FUBP1: variants seen among roughly 807,000 people sequenced by gnomAD.
FUBP1 encodes far upstream element-binding protein 1.
A neutral mutation model predicts 94.9 loss-of-function variants in FUBP1; 16 were observed. That is an observed-to-expected ratio of 0.17 (90% CI 0.11 to 0.26). The LOEUF is 0.26. Among genes scored for constraint, FUBP1 ranks in the 10% least tolerant of loss-of-function variants. The probability of loss-of-function intolerance (pLI) is 1.00; values close to 1 mark genes in which losing one functional copy is unlikely to be tolerated. For synonymous variants in FUBP1, 279 were observed against 254.9 expected (o/e 1.09, Z -0.90); for missense variants, 583 against 808.6 (o/e 0.72, Z 3.38).
rs1202900853 is a variant in FUBP1 at position 77,979,053 on chromosome 1, C to T, written c.-49G>A. ...CGCCTGTTCAGAGACTTCCTCTCAGCTAACAGCTAAGAAAGAAAGAAAATG... is the reference window on the plus strand; with the variant it reads ...CGCCTGTTCAGAGACTTCCTCTCAGTTAACAGCTAAGAAAGAAAGAAAATG... On this transcript the variant is annotated 5_prime_UTR_variant, in exon 1 of 20. Transcript: ENST00000370768. 6.5e-7 allele frequency: 1 copy of T among 1,532,752 alleles called. No homozygotes were observed. The highest frequency in any genetic ancestry group is 8.8e-7 in the Non-Finnish European group (1 of 1,133,688). 94.9% of individuals were successfully genotyped at this position (1,532,752 alleles called of 1,614,324 possible). A position where few individuals can be genotyped will look rare whatever the true frequency, so the allele number is the denominator to read the frequency against.
In FUBP1 at chr1:77,967,528, TAC is replaced by T. The variant is rs922254583; in HGVS notation, c.290+97_290+98del. On this transcript the variant is annotated intron_variant, in intron 4 of 19. Transcript: ENST00000370768. Reference sequence around the variant, plus strand: ...GATATGAACTAGGTACACCAAAAAATACACAGACACATATTCAATATACACCA... The same window carrying T: ...GATATGAACTAGGTACACCAAAAAATACAGACACATATTCAATATACACCA... The T allele has an allele frequency of 3.3e-5, 29 of 867,784 alleles. No homozygotes were observed. The Admixed American group carries it at 5.1e-4, about 15-fold the overall frequency. 53.8% of individuals were successfully genotyped at this position (867,784 alleles called of 1,614,324 possible).
At chr1:77,975,258 T>C (rs907752606) in intron 1 of FUBP1, among the ~76,000 whole-genome samples, 5 of 152,188 alleles carry the variant, frequency 3.3e-5, no homozygotes, top group Admixed American at 1.3e-4. Context: ...CTGATGGAGT[T>C]AGTAGTTCCC....
chr1:77,961,655 G>A (rs534770448), intron 14 of FUBP1, among the ~76,000 whole-genome samples: 4 of 152,160 alleles, frequency 2.6e-5, no homozygotes, highest in South Asian at 2.1e-4. Context: ...GAGGCAACCC[G>A]ACTACAGAGT....
chr1:77,958,180 TG>T (rs1378588569), intron 16 of FUBP1, among the ~76,000 whole-genome samples: 5 of 152,214 alleles, frequency 3.3e-5, no homozygotes, highest in Non-Finnish European at 7.3e-5. Flanking sequence ...CTTTAGGAAG[TG>T]GTATTTCTAC....
intron 2 of FUBP1, among the ~76,000 whole-genome samples, chr1:77,969,626 A>G (rs1339073338): frequency 6.6e-6 from 1 of 152,122 alleles, no homozygotes; most frequent in Non-Finnish European, 1.5e-5. Flanking sequence ...ATGTTTTTTA[A>G]TATTATTAAC....
intron 18 of FUBP1, among the ~76,000 whole-genome samples, chr1:77,952,455 A>G (rs1653658194): frequency 6.6e-6 from 1 of 152,072 alleles, no homozygotes; most frequent in Non-Finnish European, 1.5e-5. Flanking sequence ...AAAAACTTAA[A>G]TTAGGCTCCA....
Position 77,945,696 on chromosome 1 carries a change from T to A in FUBP1, c.*3070A>T, listed in dbSNP as rs947778191. 4.7e-6 allele frequency: 1 copy of A among 212,078 alleles called. No homozygotes were observed. Among genetic ancestry groups the A allele is most frequent in the Admixed American group, 5.9e-5 (1 of 17,044 alleles). The allele number at this position is 212,078 out of a possible 1,614,324, so 13.1% of individuals were successfully genotyped here. A position where few individuals can be genotyped will look rare whatever the true frequency, so the allele number is the denominator to read the frequency against. The stretch of plus-strand genomic sequence containing the variant: ...TGAATATTTTTCTTTGTTGCAGAGA[T>A]AAGCAGGAGTTTTAAAAGGATCAGC... On this transcript the variant is annotated 3_prime_UTR_variant, in exon 20 of 20. Transcript: ENST00000370768.
intron 1 of FUBP1, among the ~76,000 whole-genome samples, chr1:77,977,748 G>A (rs1245400776): frequency 3.9e-5 from 6 of 152,186 alleles, no homozygotes; most frequent in Non-Finnish European, 8.8e-5. Context: ...AAAAACCGCA[G>A]AACTAATATT....
chr1:77,969,808 A>G lies in FUBP1; in HGVS notation c.211+117T>C, dbSNP rs140695371. Reference sequence around the variant, plus strand: ...CCTTTTAGGCCAATATACAGCTTACAATTTTAACAACCTTATAATAAAAGT... The same window carrying G: ...CCTTTTAGGCCAATATACAGCTTACGATTTTAACAACCTTATAATAAAAGT... On this transcript the variant is annotated intron_variant, in intron 2 of 19. Coordinates refer to ENST00000370768, the MANE Select transcript of FUBP1 (RefSeq NM_003902.5). 63 of 480,646 alleles carry G rather than the reference A, an allele frequency of 1.3e-4. 1 individual carries two copies. The highest frequency in any genetic ancestry group is 1.1e-3 in the African/African-American group (56 of 49,846). The allele number at this position is 480,646 out of a possible 1,614,324, so 29.8% of individuals were successfully genotyped here. A position where few individuals can be genotyped will look rare whatever the true frequency, so the allele number is the denominator to read the frequency against.
intron 14 of FUBP1, among the ~76,000 whole-genome samples, chr1:77,961,910 G>A (rs1324432107): frequency 2.6e-5 from 4 of 152,100 alleles, no homozygotes; most frequent in South Asian, 2.1e-4. Context: ...TGTACATTTT[G>A]TAAGACGTTC....
At chr1:77,966,520 T>C (rs1412034319) in intron 7 of FUBP1, among the ~76,000 whole-genome samples, 174 bp downstream of exon 7, 2 of 152,186 alleles carry the variant, frequency 1.3e-5, no homozygotes, top group Admixed American at 6.5e-5. Context: ...ATTCAGATGA[T>C]GAACCCCACC....
intron 18 of FUBP1, among the ~76,000 whole-genome samples, chr1:77,949,586 A>G (rs12405212): frequency 0.11 from 16,081 of 152,134 alleles, 989 homozygotes; most frequent in Admixed American, 0.19. Flanking sequence ...TAGAAAAAAA[A>G]AAAGAACGCT....
rs1307864702 is a variant in FUBP1 at position 77,944,978 on chromosome 1, A to G, written c.*3788T>C. Reference sequence around the variant, plus strand: ...TGTCAAATTTTTGTTTAAGTGCTAAATAAGTCAGTTCAGTTTCAATCTAAA... The same window carrying G: ...TGTCAAATTTTTGTTTAAGTGCTAAGTAAGTCAGTTCAGTTTCAATCTAAA... On this transcript the variant is annotated 3_prime_UTR_variant, in exon 20 of 20. Coordinates refer to ENST00000370768, the MANE Select transcript of FUBP1 (RefSeq NM_003902.5). Among the ~76,000 whole-genome samples the G allele has an allele frequency of 6.6e-6, 1 of 152,034 alleles. No individual in the cohort carries two copies. Among genetic ancestry groups the G allele is most frequent in the Admixed American group, 6.6e-5 (1 of 15,266 alleles).
At chr1:77,957,770 C>G (rs1654740680) in intron 16 of FUBP1, among the ~76,000 whole-genome samples, 1 of 151,298 alleles carries the variant, frequency 6.6e-6, no homozygotes, top group Non-Finnish European at 1.5e-5. Context: ...GCCCAATGTA[C>G]TGCTTTTTTA....
chr1:77,965,238 A>G lies in FUBP1; in HGVS notation c.474-7T>C. 1 of 1,583,892 alleles carries G rather than the reference A, an allele frequency of 6.3e-7. No individual in the cohort carries two copies. The highest frequency in any genetic ancestry group is 8.7e-7 in the Non-Finnish European group (1 of 1,155,664). The stretch of plus-strand genomic sequence containing the variant: ...CAGTAACCGTTTTGCTGACCTGTTA[A>G]CAAATTAATATTTAAATAGTAAGCT... On this transcript the variant is annotated splice_polypyrimidine_tract_variant and splice_region_variant and intron_variant, in intron 7 of 19. Coordinates refer to ENST00000370768, the MANE Select transcript of FUBP1 (RefSeq NM_003902.5).
chr1:77,957,778 T>G (rs11805942), intron 16 of FUBP1, among the ~76,000 whole-genome samples: 44,339 of 151,702 alleles, frequency 0.29, 7,857 homozygotes, highest in African/African-American at 0.51. Flanking sequence ...TACTGCTTTT[T>G]TATGTTGGAT....
At position 77,947,479 on chromosome 1, in the gene FUBP1, A is replaced by G. The variant is rs1652404269; in HGVS notation, c.*1287T>C. The stretch of plus-strand genomic sequence containing the variant: ...GTGCAATGCTCCTTGAAGGAACACA[A>G]TCAAGGATGATACACAGCACAGTCC... On this transcript the variant is annotated 3_prime_UTR_variant, in exon 20 of 20. Transcript: ENST00000370768. 8.1e-7 allele frequency: 1 copy of G among 1,229,068 alleles called. No homozygotes were observed. Among genetic ancestry groups the G allele is most frequent in the Non-Finnish European group, 1.1e-6 (1 of 914,168 alleles). The allele number at this position is 1,229,068 out of a possible 1,614,324, so 76.1% of individuals were successfully genotyped here. A position where few individuals can be genotyped will look rare whatever the true frequency, so the allele number is the denominator to read the frequency against.
chr1:77,973,492 C>G (rs190775937), intron 1 of FUBP1, among the ~76,000 whole-genome samples: 1 of 152,272 alleles, frequency 6.6e-6, no homozygotes, highest in East Asian at 1.9e-4. Context: ...GTGATCCACC[C>G]GCCTCAGCCT....
chr1:77,955,454 T>A, intron 17 of FUBP1, 125 bp from the exon 18 acceptor site: 1 of 642,182 alleles, frequency 1.6e-6, no homozygotes, highest in South Asian at 1.9e-5. Flanking sequence ...AGGGAAGTAC[T>A]ATGTGGTGGT....
Sources: gnomAD v4.1 joint callset for allele counts (sites outside exome capture counted in the v4.1 genomes callset) on GRCh38, gnomAD v4.1.1 for gene constraint, MANE v1.5 for transcripts, NCBI Gene and HGNC (gene_info 2026-07-23, HGNC 2026-07-21) for gene names.